TENM4: variants seen among roughly 807,000 people sequenced by gnomAD.
The protein encoded by TENM4 is teneurin transmembrane protein 4.
In TENM4, 82 loss-of-function variants were observed where a neutral mutation model predicts 243.3. That is an observed-to-expected ratio of 0.34 (90% CI 0.28 to 0.40). TENM4 has a LOEUF of 0.40. Among genes scored for constraint, TENM4 ranks in the 10% least tolerant of loss-of-function variants. The probability of loss-of-function intolerance (pLI) is 1.00; values close to 1 mark genes in which losing one functional copy is unlikely to be tolerated. For synonymous variants in TENM4, 1,412 were observed against 1,456.3 expected (o/e 0.97, Z 0.69); for missense variants, 3,138 against 3,673.3 (o/e 0.85, Z 3.77).
chr11:79,243,995 C>T (rs887125117), intron 2 of TENM4, among the ~76,000 whole-genome samples: 1 of 152,208 alleles, frequency 6.6e-6, no homozygotes, highest in African/African-American at 2.4e-5. Flanking sequence ...TTCCAACAAG[C>T]TCCCGTGATG....
chr11:79,168,354 G>A (rs1397085728), intron 3 of TENM4, among the ~76,000 whole-genome samples: 1 of 152,186 alleles, frequency 6.6e-6, no homozygotes, highest in East Asian at 1.9e-4. Context: ...AGAGAGGGTT[G>A]TGGGAGAATG....
intron 32 of TENM4, among the ~76,000 whole-genome samples, chr11:78,663,542 CT>C (rs777728256): frequency 2.6e-4 from 40 of 152,168 alleles, no homozygotes; most frequent in Non-Finnish European, 5.3e-4. Flanking sequence ...CCTCCCTTCT[CT>C]CTTGCTACCT....
At chr11:79,024,275 G>A (rs1415044120) in intron 6 of TENM4, among the ~76,000 whole-genome samples, 8 of 152,140 alleles carry the variant, frequency 5.3e-5, no homozygotes, top group Non-Finnish European at 1.2e-4. Context: ...AAAAGTGATT[G>A]GCCTGTGGTC....
chr11:79,274,275 A>G (rs200619978), intron 2 of TENM4, among the ~76,000 whole-genome samples: 10 of 152,342 alleles, frequency 6.6e-5, no homozygotes, highest in Non-Finnish European at 1.2e-4. Flanking sequence ...TTGCTCACAA[A>G]TTCTCGTGAA....
chr11:78,938,330 T>C (rs2136446513), intron 6 of TENM4, among the ~76,000 whole-genome samples: 1 of 152,334 alleles, frequency 6.6e-6, no homozygotes, highest in East Asian at 1.9e-4. Context: ...AGAGTTCCTA[T>C]GCACTTTTCA....
At chr11:78,862,938 A>G (rs1175987949) in intron 10 of TENM4, 24 bp downstream of exon 10, 11 of 1,408,520 alleles carry the variant, frequency 7.8e-6, no homozygotes, top group Non-Finnish European at 1.0e-5. Context: ...AGGACTCACA[A>G]CACGGACAAC....
At position 79,385,599 on chromosome 11, in the gene TENM4, TCTAA is replaced by T. The variant is rs546116919; in HGVS notation, c.-321+54906_-321+54909del. Among the ~76,000 whole-genome samples, 244 of 152,364 alleles carry T rather than the reference TCTAA, an allele frequency of 1.6e-3. 2 individuals are homozygous for T. Among genetic ancestry groups the T allele is most frequent in the African/African-American group, 5.6e-3 (233 of 41,580 alleles). ...TACAAATTATGTACCCTCATTAAAA[TCTAA>T]CTGTTACAAATTCTTATTCAAAAAA... On this transcript the variant is annotated intron_variant, in intron 1 of 33. Transcript: ENST00000278550.
At chr11:79,385,314 T>A (rs945109610) in intron 1 of TENM4, among the ~76,000 whole-genome samples, 1 of 152,248 alleles carries the variant, frequency 6.6e-6, no homozygotes. Flanking sequence ...GAACCACTAA[T>A]CTAAGTTCAC....
At chr11:79,103,396 C>A (rs916172987) in intron 4 of TENM4, among the ~76,000 whole-genome samples, 2 of 152,216 alleles carry the variant, frequency 1.3e-5, no homozygotes, top group African/African-American at 4.8e-5. Context: ...GTAAGCATTT[C>A]TGTGGCTGGT....
intron 3 of TENM4, among the ~76,000 whole-genome samples, chr11:79,167,170 T>A (rs916344911): frequency 6.6e-6 from 1 of 152,250 alleles, no homozygotes; most frequent in African/African-American, 2.4e-5. Flanking sequence ...ACATTTGAAC[T>A]CTTCCATACT....
chr11:79,138,827 A>G (rs1390183022), intron 4 of TENM4, among the ~76,000 whole-genome samples: 1 of 120,226 alleles, frequency 8.3e-6, no homozygotes, highest in African/African-American at 3.3e-5. Flanking sequence ...ATAAATATAC[A>G]AAACATACAT....
intron 6 of TENM4, among the ~76,000 whole-genome samples, chr11:78,996,431 A>G (rs1262447386): frequency 6.6e-6 from 1 of 152,204 alleles, no homozygotes; most frequent in Non-Finnish European, 1.5e-5. Context: ...CCCAGCCAAG[A>G]GCTCCAGCCA....
At chr11:78,988,781 C>A (rs1454977814) in intron 6 of TENM4, among the ~76,000 whole-genome samples, 1 of 152,204 alleles carries the variant, frequency 6.6e-6, no homozygotes, top group Non-Finnish European at 1.5e-5. Context: ...CTCAAGCAAT[C>A]CTCTCACCTC....
chr11:78,994,812 GACAA>G (rs2136677006), intron 6 of TENM4, among the ~76,000 whole-genome samples: 1 of 152,318 alleles, frequency 6.6e-6, no homozygotes, highest in South Asian at 2.1e-4. Context: ...TGGTGAATAA[GACAA>G]ACAGAGACTT....
intron 6 of TENM4, among the ~76,000 whole-genome samples, chr11:78,918,727 C>T (rs1856378880): frequency 6.6e-6 from 1 of 152,152 alleles, no homozygotes. Flanking sequence ...TTCGGAGGCA[C>T]ATCCCCAGGA....
chr11:78,790,633 G>A (rs571109648), intron 15 of TENM4, among the ~76,000 whole-genome samples: 1 of 152,280 alleles, frequency 6.6e-6, no homozygotes, highest in South Asian at 2.1e-4. Context: ...ATCATCTAGT[G>A]TCTTTTCATT....
intron 6 of TENM4, among the ~76,000 whole-genome samples, chr11:79,027,074 G>A (rs968741998): frequency 7.9e-5 from 12 of 152,194 alleles, no homozygotes; most frequent in African/African-American, 2.4e-4. Context: ...GCTGAGCGTG[G>A]AGGCAGAGAA....
intron 12 of TENM4, among the ~76,000 whole-genome samples, chr11:78,844,800 G>A (rs1201575943): frequency 6.6e-6 from 1 of 152,132 alleles, no homozygotes; most frequent in East Asian, 1.9e-4. Context: ...CTTGATCTTG[G>A]ATGTGCAGTG....
chr11:79,331,035 A>C (rs2135444573), intron 1 of TENM4, among the ~76,000 whole-genome samples: 1 of 152,288 alleles, frequency 6.6e-6, no homozygotes, highest in East Asian at 1.9e-4. Flanking sequence ...GCCAGGAAGG[A>C]GGGAAAGAGA....
Sources: gnomAD v4.1 joint callset for allele counts (sites outside exome capture counted in the v4.1 genomes callset) on GRCh38, gnomAD v4.1.1 for gene constraint, MANE v1.5 for transcripts, NCBI Gene and HGNC (gene_info 2026-07-23, HGNC 2026-07-21) for gene names.